The following AFM variants were observed in gnomAD, a reference collection of about 807,000 sequenced individuals.
AFM encodes the protein afamin.
In AFM, 82 loss-of-function variants were observed where a neutral mutation model predicts 68.7. The observed-to-expected ratio is 1.19, with a 90% CI of 1.00 to 1.43. The LOEUF (loss-of-function observed/expected upper bound fraction) is 1.43, where lower values mean the gene tolerates loss of function less well. AFM is among the 40% of genes most tolerant of loss of function. AFM has a pLI of 0.00. For missense variants in AFM, 772 were observed against 701.8 expected (o/e 1.10, Z -1.13); for synonymous variants, 250 against 234.2 (o/e 1.07, Z -0.61).
rs200058509 is a variant in AFM, at chr4:73,501,839, C to A, written c.1699C>A (p.Gln567Lys). The change falls in exon 13 of 15, where the codon CAG becomes AAG. Residue 567 changes from glutamine (Q) to lysine (K), a missense_variant. Physicochemically the swap from Gln to Lys is moderately conservative, Grantham distance 53. Transcript: ENST00000226355. ...GCATGAACTCACAGATGAAGAGCTG[C>A]AGTCTTTGTTTACAAATTTCGCAAA... is the stretch of plus-strand genomic sequence containing the variant. ...LKHELTDEEL[Q>K]SLFTNFANVV... The A allele has an allele frequency of 2.5e-5, 40 of 1,613,378 alleles. No homozygotes were observed. The East Asian group carries it at 8.7e-4, about 35-fold the overall frequency.
intron 8 of AFM, among the ~76,000 whole-genome samples, chr4:73,493,474 G>C (rs749560987): frequency 2.0e-5 from 3 of 152,146 alleles, no homozygotes; most frequent in Non-Finnish European, 4.4e-5. Context: ...TTTTATATGT[G>C]AACCTGTAGC....
rs1274775664 is a variant in AFM, at chr4:73,486,999, T to G, written c.515T>G (p.Phe172Cys). 3.7e-6 allele frequency: 6 copies of G among 1,613,672 alleles called. No individual in the cohort carries two copies. In the South Asian group the frequency reaches 6.6e-5, roughly 18 times the overall value. ...FLYEVARRNPFVFAPTLLTVA... is the reference protein window; with the variant it reads ...FLYEVARRNPCVFAPTLLTVA... ...TATGAAGTTGCCAGAAGGAACCCAT[T>G]TGTCTTCGCCCCTACACTTCTAACT... The change falls in exon 5 of 15, where the codon TTT becomes TGT. Residue 172 changes from phenylalanine to cysteine, a missense_variant. Phe to Cys is a radical substitution (Grantham distance 205). Transcript: ENST00000226355.
chr4:73,482,207 A>G (rs1720733147), intron 1 of AFM, among the ~76,000 whole-genome samples: 1 of 152,236 alleles, frequency 6.6e-6, no homozygotes, highest in Non-Finnish European at 1.5e-5. Context: ...ATAGATGTTA[A>G]CTGGGATTTT....
At chr4:73,490,639 A>G (rs946881260) in intron 7 of AFM, among the ~76,000 whole-genome samples, 1 of 152,020 alleles carries the variant, frequency 6.6e-6, no homozygotes, top group African/African-American at 2.4e-5. Flanking sequence ...GCCAGGATGT[A>G]TGTTTTATAA....
intron 1 of AFM, among the ~76,000 whole-genome samples, chr4:73,482,198 T>C (rs775201302): frequency 1.2e-4 from 19 of 152,352 alleles, no homozygotes; most frequent in Non-Finnish European, 2.6e-4. Context: ...AGTGGAACAA[T>C]AGATGTTAAC....
Position 73,484,289 on chromosome 4 carries a change from G to A in AFM, c.169G>A (p.Glu57Lys), listed in dbSNP as rs1033138160. 6.2e-7 allele frequency: 1 copy of A among 1,613,282 alleles called. No individual in the cohort carries two copies. The highest frequency in any genetic ancestry group is 2.2e-5 in the East Asian group (1 of 44,800). ...TIIAFAQYVQ[E>K]ATFEEMEKLV... ...CATTGCATTTGCTCAGTATGTTCAG[G>A]AAGCAACCTTTGAAGAAATGGAAAA... The change falls in exon 3 of 15, where the codon GAA becomes AAA. Residue 57 changes from glutamate to lysine, a missense_variant. Glu to Lys is a moderately conservative substitution (Grantham distance 56). Coordinates refer to ENST00000226355, the MANE Select transcript of AFM (RefSeq NM_001133.2).
At chr4:73,501,562 G>A (rs1055296110) in intron 12 of AFM, among the ~76,000 whole-genome samples, 1 of 151,774 alleles carries the variant, frequency 6.6e-6, no homozygotes, top group African/African-American at 2.4e-5. Context: ...AATACTTTTT[G>A]TATAATTTTG....
At chr4:73,497,110 A>G (rs1232060818) in intron 9 of AFM, among the ~76,000 whole-genome samples, 1 of 152,208 alleles carries the variant, frequency 6.6e-6, no homozygotes, top group East Asian at 1.9e-4. Context: ...GCCACTCAGA[A>G]GATGTCCAAT....
At position 73,497,648 on chromosome 4, in the gene AFM, T is replaced by C. The variant is rs1022967131; in HGVS notation, c.1192-4T>C. The C allele has an allele frequency of 6.3e-7, 1 of 1,585,076 alleles. No individual in the cohort carries two copies. The highest frequency in any genetic ancestry group is 1.7e-5 in the Admixed American group (1 of 58,504). ...TTTGTAACCATGATTATTCTTATTT[T>C]CAGGAAGACAAATTCAATGAGACAA... is the stretch of plus-strand genomic sequence containing the variant. On this transcript the variant is annotated splice_region_variant and splice_polypyrimidine_tract_variant and intron_variant, in intron 9 of 14. Transcript: ENST00000226355.
intron 8 of AFM, among the ~76,000 whole-genome samples, chr4:73,494,374 T>C (rs1175441928): frequency 1.3e-5 from 2 of 151,918 alleles, no homozygotes; most frequent in Admixed American, 6.6e-5. Context: ...TCTGAACTTA[T>C]TGTGAATGAA....
At chr4:73,494,008 T>A (rs926092086) in intron 8 of AFM, among the ~76,000 whole-genome samples, 1 of 152,050 alleles carries the variant, frequency 6.6e-6, no homozygotes, top group Non-Finnish European at 1.5e-5. Flanking sequence ...TTCTCCAGCC[T>A]AGAGTAAGCT....
intron 10 of AFM, 140 bp from the exon 11 acceptor site, chr4:73,498,974 C>T (rs1577980893): frequency 2.8e-6 from 2 of 707,538 alleles, no homozygotes; most frequent in Non-Finnish European, 4.2e-6. Flanking sequence ...ACATATTTCT[C>T]TACTTTATGA....
chr4:73,483,248 T>A (rs1041622266), intron 1 of AFM, among the ~76,000 whole-genome samples: 5 of 152,166 alleles, frequency 3.3e-5, no homozygotes, highest in Non-Finnish European at 7.4e-5. Context: ...TCATAAAGCA[T>A]TCCCAACTTA....
chr4:73,496,788 T>C (rs1272337429), intron 9 of AFM, among the ~76,000 whole-genome samples: 22 of 152,212 alleles, frequency 1.4e-4, no homozygotes, highest in Admixed American at 1.4e-3. Context: ...TCATATAAAT[T>C]CATATGTATT....
At position 73,485,845 on chromosome 4, in the gene AFM, T is replaced by C; in HGVS notation, c.271-17T>C. ...TTACCATGACTAAAAATTGTCCTTT[T>C]CTTCTCTGTTGTATAGAATAATGTT... is the stretch of plus-strand genomic sequence containing the variant. On this transcript the variant is annotated splice_polypyrimidine_tract_variant and intron_variant, in intron 3 of 14. Coordinates refer to ENST00000226355, the MANE Select transcript of AFM (RefSeq NM_001133.2). The C allele has an allele frequency of 1.2e-6, 2 of 1,606,082 alleles. No homozygotes were observed.
intron 7 of AFM, among the ~76,000 whole-genome samples, chr4:73,489,328 T>C (rs1396145038): frequency 6.6e-6 from 1 of 152,072 alleles, no homozygotes; most frequent in Non-Finnish European, 1.5e-5. Flanking sequence ...TTCTGGCCTT[T>C]AACTGACAAT....
Position 73,495,280 on chromosome 4 carries a change from C to A in AFM, c.1059-20C>A, listed in dbSNP as rs373593764. 5.1e-6 allele frequency: 8 copies of A among 1,555,730 alleles called. No homozygotes were observed. The African/African-American group carries it at 9.8e-5, about 19-fold the overall frequency. On this transcript the variant is annotated intron_variant, in intron 8 of 14. Coordinates refer to ENST00000226355, the MANE Select transcript of AFM (RefSeq NM_001133.2). The stretch of plus-strand genomic sequence containing the variant: ...TGCTCTTTCTCTAATTTCTAATATA[C>A]AAAATTTTACACATTGCAGGTTTAC...
At position 73,500,098 on chromosome 4, in the gene AFM, G is replaced by A; in HGVS notation, c.1517G>A (p.Arg506Lys). The change falls in exon 12 of 15, where the codon AGA becomes AAA. Residue 506 changes from arginine to lysine, a missense_variant. Transcript: ENST00000226355. The stretch of plus-strand genomic sequence containing the variant: ...TGCTGTAAAACAAACTTTGCCTTCA[G>A]AAGGCCCTGCTTTGAGAGTTTGAAA... The part of the protein sequence containing the change: ...DHCCKTNFAF[R>K]RPCFESLKAD... The A allele has an allele frequency of 2.5e-6, 4 of 1,614,070 alleles. No homozygotes were observed. The highest frequency in any genetic ancestry group is 3.4e-6 in the Non-Finnish European group (4 of 1,179,980).
In AFM at chr4:73,500,230, A is replaced by G; in HGVS notation, c.1646+3A>G. On this transcript the variant is annotated splice_donor_region_variant and intron_variant, in intron 12 of 14. Coordinates refer to ENST00000226355, the MANE Select transcript of AFM (RefSeq NM_001133.2). ...GAGCTTCAGAGGAAGACAGACAGGT[A>G]CAAATAATCTCTTCCATTCTTCTTT... The G allele has an allele frequency of 6.2e-7, 1 of 1,603,220 alleles. No individual in the cohort carries two copies. Among genetic ancestry groups the G allele is most frequent in the Non-Finnish European group, 8.5e-7 (1 of 1,173,046 alleles).
Sources: gnomAD v4.1 joint callset for allele counts (sites outside exome capture counted in the v4.1 genomes callset) on GRCh38, gnomAD v4.1.1 for gene constraint, MANE v1.5 for transcripts, NCBI Gene and HGNC (gene_info 2026-07-23, HGNC 2026-07-21) for gene names.